CLHC1: variants seen among roughly 807,000 people sequenced by gnomAD.
The protein encoded by CLHC1 is clathrin heavy chain linker domain-containing protein 1.
In CLHC1, 72 loss-of-function variants were observed where a neutral mutation model predicts 69.5. The observed-to-expected ratio is 1.04, with a 90% CI of 0.86 to 1.26. CLHC1 has a LOEUF of 1.26. Among genes scored for constraint, CLHC1 ranks in the 50% most tolerant of loss-of-function variants. The pLI, the probability that CLHC1 is intolerant of heterozygous loss-of-function variation, is 0.00. For missense variants in CLHC1, 790 were observed against 679.3 expected, an observed-to-expected ratio of 1.16 and a Z score of -1.81; for synonymous variants, 223 against 224.3, an observed-to-expected ratio of 0.99 and a Z score of 0.05.
At chr2:55,216,484 A>G (rs916161155) in intron 4 of CLHC1, among the ~76,000 whole-genome samples, 1 of 152,012 alleles carries the variant, frequency 6.6e-6, no homozygotes, top group East Asian at 1.9e-4. Context: ...TAAATCTTCC[A>G]TGGAGGAAAT....
chr2:55,184,919 A>AAC (rs561837633), intron 9 of CLHC1, among the ~76,000 whole-genome samples: 29,458 of 125,788 alleles, frequency 0.23, 3,336 homozygotes, highest in Middle Eastern at 0.28. Flanking sequence ...AAAAAAACAA[A>AAC]ACACACACAC....
At chr2:55,213,362 T>C (rs559006146) in intron 4 of CLHC1, among the ~76,000 whole-genome samples, 1 of 152,360 alleles carries the variant, frequency 6.6e-6, no homozygotes, top group African/African-American at 2.4e-5. Context: ...CCTTCTCCTC[T>C]GCCTATGGCA....
intron 5 of CLHC1, among the ~76,000 whole-genome samples, chr2:55,210,060 T>C (rs190405469): frequency 1.5e-4 from 23 of 152,348 alleles, no homozygotes; most frequent in Non-Finnish European, 2.1e-4. Context: ...GGTCTTGTTA[T>C]GTTGCCCAGG....
intron 9 of CLHC1, among the ~76,000 whole-genome samples, chr2:55,195,820 AC>A (rs774444470): frequency 6.6e-6 from 1 of 152,134 alleles, no homozygotes; most frequent in Non-Finnish European, 1.5e-5. Flanking sequence ...AAACAAACAA[AC>A]AAAGAACAAA....
intron 2 of CLHC1, among the ~76,000 whole-genome samples, chr2:55,227,281 G>A (rs1278827849): frequency 6.6e-6 from 1 of 151,666 alleles, no homozygotes; most frequent in Non-Finnish European, 1.5e-5. Context: ...AAAGCACCAG[G>A]CACCATTTCA....
rs897856607 is a variant in CLHC1 at position 55,173,360 on chromosome 2, C to G, written c.*2430G>C. On this transcript the variant is annotated 3_prime_UTR_variant, in exon 13 of 13. Coordinates refer to ENST00000401408, the MANE Select transcript of CLHC1 (RefSeq NM_152385.4). ...TCCATTAAGGTTGTAATCTTGCTAG[C>G]AGAAATTGTGTGCAAAACAGGTATT... Among the ~76,000 whole-genome samples the G allele has an allele frequency of 6.6e-6, 1 of 152,172 alleles. No homozygotes were observed. The highest frequency in any genetic ancestry group is 1.5e-5 in the Non-Finnish European group (1 of 68,040).
chr2:55,228,947 T>C (rs1561233), intron 1 of CLHC1, among the ~76,000 whole-genome samples: 148,454 of 152,180 alleles, frequency 0.98, 72,450 homozygotes, highest in African/African-American at 0.99. Context: ...GTTAGGAGTT[T>C]GAGATCAGTC....
chr2:55,183,983 G>T (rs929657242), intron 9 of CLHC1, among the ~76,000 whole-genome samples: 3 of 152,204 alleles, frequency 2.0e-5, no homozygotes, highest in African/African-American at 7.2e-5. Flanking sequence ...GTGTCACCAT[G>T]TTGGCCAGGA....
In CLHC1 at chr2:55,183,817, C is replaced by T. The variant is rs546083423; in HGVS notation, c.1007-2073G>A. Among the ~76,000 whole-genome samples the T allele has an allele frequency of 3.9e-4, 59 of 152,202 alleles. No individual in the cohort carries two copies. In the Middle Eastern group the frequency reaches 0.01, roughly 26 times the overall value. ...CTTTTTTTGAGATGGAGTCTCGCTC[C>T]GTCGCCAGGCTGGAGTGCAATGGTG... On this transcript the variant is annotated intron_variant, in intron 9 of 12. Transcript: ENST00000401408.
At chr2:55,212,126 A>C (rs966212101) in intron 5 of CLHC1, among the ~76,000 whole-genome samples, 9 of 152,032 alleles carry the variant, frequency 5.9e-5, no homozygotes, top group African/African-American at 2.2e-4. Context: ...AAAACACAAA[A>C]ATTATCTGGG....
intron 12 of CLHC1, among the ~76,000 whole-genome samples, chr2:55,176,747 GA>G (rs1345056242): frequency 1.3e-5 from 2 of 151,958 alleles, no homozygotes; most frequent in Non-Finnish European, 2.9e-5. Context: ...TATTTTAGTT[GA>G]TATCTGTAAT....
At chr2:55,228,426 C>T (rs1340027001) in intron 1 of CLHC1, among the ~76,000 whole-genome samples, 1 of 152,238 alleles carries the variant, frequency 6.6e-6, no homozygotes, top group Non-Finnish European at 1.5e-5. Flanking sequence ...TGTTCCTTAA[C>T]ATCTACAAAA....
chr2:55,217,339 G>C (rs907673231), intron 4 of CLHC1, among the ~76,000 whole-genome samples: 1 of 150,082 alleles, frequency 6.7e-6, no homozygotes, highest in Non-Finnish European at 1.5e-5. Flanking sequence ...AACATAGTGA[G>C]ACCCCATCTC....
At chr2:55,214,228 G>A (rs1258034111) in intron 4 of CLHC1, among the ~76,000 whole-genome samples, 1 of 152,172 alleles carries the variant, frequency 6.6e-6, no homozygotes, top group Non-Finnish European at 1.5e-5. Flanking sequence ...AACAAGTTTG[G>A]GCTGGGCGCG....
chr2:55,209,100 T>G (rs1048107572), intron 7 of CLHC1, among the ~76,000 whole-genome samples: 4 of 151,994 alleles, frequency 2.6e-5, no homozygotes, highest in African/African-American at 7.3e-5. Flanking sequence ...GTCTCGATCT[T>G]CTGACCTCGT....
At chr2:55,220,711 T>C (rs900739791) in intron 3 of CLHC1, among the ~76,000 whole-genome samples, 2 of 152,204 alleles carry the variant, frequency 1.3e-5, no homozygotes, top group African/African-American at 4.8e-5. Flanking sequence ...GTGTTAACAC[T>C]TGGGCATGCA....
Position 55,180,506 on chromosome 2 carries a change from T to C in CLHC1, c.1384+4A>G. 6.2e-7 allele frequency: 1 copy of C among 1,609,126 alleles called. No homozygotes were observed. The highest frequency in any genetic ancestry group is 8.5e-7 in the Non-Finnish European group (1 of 1,175,728). ...GTATACAAATGGCAGACTTTTTAACTTACCGGTAGTAAAGTCCTTCAACTG... is the reference window on the plus strand; with the variant it reads ...GTATACAAATGGCAGACTTTTTAACCTACCGGTAGTAAAGTCCTTCAACTG... On this transcript the variant is annotated splice_donor_region_variant and intron_variant, in intron 11 of 12. Coordinates refer to ENST00000401408, the MANE Select transcript of CLHC1 (RefSeq NM_152385.4).
At chr2:55,223,177 T>A (rs1203755846) in intron 2 of CLHC1, among the ~76,000 whole-genome samples, 1 of 152,122 alleles carries the variant, frequency 6.6e-6, no homozygotes, top group East Asian at 1.9e-4. Context: ...AGGTCAACTA[T>A]TTTACGACCC....
chr2:55,222,422 C>T lies in CLHC1; in HGVS notation c.-11G>A. Reference sequence around the variant, plus strand: ...TTGATGAACTGACATATTTGACAATCTGCACACTTGTTCACTGAAGAACAG... The same window carrying T: ...TTGATGAACTGACATATTTGACAATTTGCACACTTGTTCACTGAAGAACAG... On this transcript the variant is annotated 5_prime_UTR_variant, in exon 3 of 13. Transcript: ENST00000401408. 6.2e-7 allele frequency: 1 copy of T among 1,610,878 alleles called. No homozygotes were observed. Among genetic ancestry groups the T allele is most frequent in the Non-Finnish European group, 8.5e-7 (1 of 1,178,534 alleles).
Sources: gnomAD v4.1 joint callset for allele counts (sites outside exome capture counted in the v4.1 genomes callset) on GRCh38, gnomAD v4.1.1 for gene constraint, MANE v1.5 for transcripts, NCBI Gene and HGNC (gene_info 2026-07-23, HGNC 2026-07-21) for gene names.